The following LCLAT1 variants were observed in gnomAD, a reference collection of about 807,000 sequenced individuals.
LCLAT1 encodes the protein 1-AGP acyltransferase 8.
Under a neutral mutation model 30.7 loss-of-function variants are expected in LCLAT1, and 11 were observed. The ratio of observed to expected loss-of-function variants is 0.36; its 90% CI spans 0.23 to 0.59. LCLAT1 has a LOEUF of 0.59. LCLAT1 is among the 20% of genes least tolerant of loss of function. The pLI is 0.77. For missense variants in LCLAT1, 402 were observed against 458.6 expected (o/e 0.88, Z 1.13); for synonymous variants, 155 against 151.3 (o/e 1.02, Z -0.18).
intron 5 of LCLAT1, among the ~76,000 whole-genome samples, chr2:30,597,105 A>C (rs58730941): frequency 0.034 from 5,040 of 147,686 alleles, 312 homozygotes; most frequent in African/African-American, 0.12. Context: ...CTTTTTGCTT[A>C]AGATTGTCTT....
chr2:30,449,817 A>G (rs559482960), intron 1 of LCLAT1, among the ~76,000 whole-genome samples: 5 of 152,318 alleles, frequency 3.3e-5, no homozygotes, highest in African/African-American at 1.2e-4. Flanking sequence ...ACTAATTTCT[A>G]TCAGGAAGCA....
intron 1 of LCLAT1, among the ~76,000 whole-genome samples, chr2:30,517,911 G>A (rs1018640110): frequency 6.6e-6 from 1 of 152,160 alleles, no homozygotes; most frequent in African/African-American, 2.4e-5. Context: ...TGTTATCAGT[G>A]TAAACAAGGG....
chr2:30,611,944 C>T (rs74344694), intron 5 of LCLAT1, among the ~76,000 whole-genome samples: 8,414 of 151,890 alleles, frequency 0.055, 758 homozygotes, highest in African/African-American at 0.19. Context: ...GATGGAAATG[C>T]CAGCTCTGTG....
chr2:30,630,719 G>T (rs1324022320), intron 5 of LCLAT1, among the ~76,000 whole-genome samples: 1 of 152,190 alleles, frequency 6.6e-6, no homozygotes, highest in Admixed American at 6.6e-5. Context: ...TCACCTGAGA[G>T]AAGTCCATTT....
At chr2:30,462,052 G>C (rs559002543) in intron 1 of LCLAT1, among the ~76,000 whole-genome samples, 1 of 152,056 alleles carries the variant, frequency 6.6e-6, no homozygotes, top group East Asian at 1.9e-4. Flanking sequence ...GATTACAGGC[G>C]TGAGCCACCG....
intron 2 of LCLAT1, among the ~76,000 whole-genome samples, chr2:30,530,517 T>C (rs1215358994): frequency 6.6e-6 from 1 of 152,218 alleles, no homozygotes; most frequent in Non-Finnish European, 1.5e-5. Flanking sequence ...TGTCATGTTA[T>C]ATGAGATGTT....
chr2:30,536,987 G>A lies in LCLAT1; in HGVS notation c.364+3673G>A, dbSNP rs1157459931. Among the ~76,000 whole-genome samples the A allele has an allele frequency of 2.6e-5, 4 of 151,604 alleles. No homozygotes were observed. In the South Asian group the frequency reaches 6.3e-4, roughly 24 times the overall value. The stretch of plus-strand genomic sequence containing the variant: ...TGCCTGCAAGAAACTGACTTCACCC[G>A]TGAAGAAACACATAGACTGAAATGA... On this transcript the variant is annotated intron_variant, in intron 3 of 5. Coordinates refer to ENST00000379509, the MANE Select transcript of LCLAT1 (RefSeq NM_001002257.3).
chr2:30,469,524 A>T (rs1409556834), intron 1 of LCLAT1, among the ~76,000 whole-genome samples: 1 of 146,888 alleles, frequency 6.8e-6, no homozygotes, highest in African/African-American at 2.5e-5. Context: ...TTGGCCATAG[A>T]TGTATGGTCA....
At chr2:30,620,550 C>T (rs1441560365) in intron 5 of LCLAT1, among the ~76,000 whole-genome samples, 1 of 152,124 alleles carries the variant, frequency 6.6e-6, no homozygotes, top group Non-Finnish European at 1.5e-5. Context: ...TTAGAAGTCT[C>T]CATTTTGCAT....
At chr2:30,555,418 C>G (rs1055363007) in intron 3 of LCLAT1, among the ~76,000 whole-genome samples, 1 of 151,956 alleles carries the variant, frequency 6.6e-6, no homozygotes, top group Admixed American at 6.6e-5. Flanking sequence ...AACTTATGGT[C>G]AAATCTAAAT....
chr2:30,448,265 C>T (rs1681365133), intron 1 of LCLAT1, among the ~76,000 whole-genome samples: 1 of 152,182 alleles, frequency 6.6e-6, no homozygotes. Context: ...ATATCATTAA[C>T]TTATTTGTTC....
intron 3 of LCLAT1, among the ~76,000 whole-genome samples, chr2:30,543,672 T>C (rs1033696193): frequency 7.2e-5 from 11 of 152,162 alleles, no homozygotes; most frequent in Non-Finnish European, 1.5e-5. Flanking sequence ...TTACCTAAGT[T>C]GTCAAACTGA....
intron 1 of LCLAT1, among the ~76,000 whole-genome samples, chr2:30,469,198 A>G (rs1682636547): frequency 6.7e-6 from 1 of 150,224 alleles, no homozygotes; most frequent in Non-Finnish European, 1.5e-5. Flanking sequence ...TTGTCTTTTC[A>G]TTTTCTTGAT....
chr2:30,565,039 A>G (rs955177326), intron 4 of LCLAT1, among the ~76,000 whole-genome samples: 1 of 152,138 alleles, frequency 6.6e-6, no homozygotes, highest in African/African-American at 2.4e-5. Flanking sequence ...ACACACAGAC[A>G]TATGTGCACC....
At position 30,590,655 on chromosome 2, in the gene LCLAT1, ATCT is replaced by A. The variant is rs531969969; in HGVS notation, c.628+22481_628+22483del. On this transcript the variant is annotated intron_variant, in intron 5 of 5. Coordinates refer to ENST00000379509, the MANE Select transcript of LCLAT1 (RefSeq NM_001002257.3). Reference sequence around the variant, plus strand: ...TGGAAACTTGACATTAAAACAGATCATCTTATGTTTCACTGTTTGAAACTCAGT... The same window carrying A: ...TGGAAACTTGACATTAAAACAGATCATATGTTTCACTGTTTGAAACTCAGT... Among the ~76,000 whole-genome samples, 34 of 151,798 alleles carry A rather than the reference ATCT, an allele frequency of 2.2e-4. No homozygotes were observed. In the South Asian group the frequency reaches 6.0e-3, roughly 27 times the overall value.
chr2:30,491,321 T>C (rs1161094731), intron 1 of LCLAT1, among the ~76,000 whole-genome samples: 2 of 152,238 alleles, frequency 1.3e-5, no homozygotes, highest in African/African-American at 2.4e-5. Context: ...CACTTACATA[T>C]ACCAGCCACT....
intron 1 of LCLAT1, among the ~76,000 whole-genome samples, chr2:30,519,958 G>A (rs889255768): frequency 1.2e-4 from 19 of 152,280 alleles, no homozygotes; most frequent in African/African-American, 4.3e-4. Context: ...TGTCCGCTGC[G>A]CTTCTGATCC....
chr2:30,551,280 T>G (rs1469242542), intron 3 of LCLAT1, among the ~76,000 whole-genome samples: 1 of 152,242 alleles, frequency 6.6e-6, no homozygotes, highest in Non-Finnish European at 1.5e-5. Flanking sequence ...GTGCTGAGAT[T>G]ATAGGCATGA....
intron 1 of LCLAT1, among the ~76,000 whole-genome samples, chr2:30,523,893 G>A (rs1198254582): frequency 6.6e-6 from 1 of 152,084 alleles, no homozygotes; most frequent in Non-Finnish European, 1.5e-5. Context: ...CAAAAACTTA[G>A]TAGTCAGTCT....
Sources: gnomAD v4.1 joint callset for allele counts (sites outside exome capture counted in the v4.1 genomes callset) on GRCh38, gnomAD v4.1.1 for gene constraint, MANE v1.5 for transcripts, NCBI Gene and HGNC (gene_info 2026-07-23, HGNC 2026-07-21) for gene names.